Variants in RGS3 observed in about 807,000 individuals in gnomAD.
RGS3 encodes the protein regulator of G protein signaling 3.
RGS3 carries 80 observed loss-of-function variants against 132.6 expected under a neutral mutation model. The observed-to-expected ratio is 0.60, with a 90% CI of 0.50 to 0.73. The LOEUF (loss-of-function observed/expected upper bound fraction) is 0.73. Ranked by LOEUF, RGS3 falls within the 30% of genes least tolerant of loss-of-function variation. The pLI is 0.00. For synonymous variants in RGS3, 598 were observed against 620.6 expected (o/e 0.96, Z 0.54); for missense variants, 1,382 against 1,530.8 (o/e 0.90, Z 1.62).
chr9:113,570,647 G>T (rs893229152), intron 19 of RGS3, among the ~76,000 whole-genome samples: 1 of 151,712 alleles, frequency 6.6e-6, no homozygotes, highest in South Asian at 2.1e-4. Flanking sequence ...AGGTAACCCC[G>T]TCCTGACTTC....
At chr9:113,524,640 G>A (rs964557431) in intron 17 of RGS3, among the ~76,000 whole-genome samples, 2 of 152,250 alleles carry the variant, frequency 1.3e-5, no homozygotes, top group African/African-American at 2.4e-5. Flanking sequence ...GTGCTGTGCT[G>A]TGTGGCTTCA....
chr9:113,591,102 G>C lies in RGS3; in HGVS notation c.3016-231G>C, dbSNP rs1229183398. Among the ~76,000 whole-genome samples the C allele has an allele frequency of 6.6e-6, 1 of 152,238 alleles. No homozygotes were observed. On this transcript the variant is annotated intron_variant, in intron 20 of 24. Coordinates refer to ENST00000350696, the Ensembl canonical transcript of RGS3. This position sits in a 1 kb window ranked among gnomAD's most constrained non-coding sequence, Gnocchi z 4.4. ...CTTCTCCCCAGTGAGCTGGGGACCT[G>C]ACTGTCCCAGGAGGAGATCCCTGTG... is the stretch of plus-strand genomic sequence containing the variant.
At chr9:113,534,115 G>T (rs1161958695) in intron 18 of RGS3, among the ~76,000 whole-genome samples, 1 of 152,228 alleles carries the variant, frequency 6.6e-6, no homozygotes, top group Non-Finnish European at 1.5e-5. Context: ...CTGAGGGTTG[G>T]GTTGGATGCA....
chr9:113,452,872 G>A (rs1288711068), intron 1 of RGS3, among the ~76,000 whole-genome samples: 1 of 129,496 alleles, frequency 7.7e-6, no homozygotes, highest in South Asian at 2.5e-4. Flanking sequence ...TTCACCTCTA[G>A]TTGTTCAATT....
At chr9:113,583,404 G>A in intron 19 of RGS3, 46 bp from the exon 18 acceptor site, 1 of 1,597,756 alleles carries the variant, frequency 6.3e-7, no homozygotes, top group Non-Finnish European at 8.5e-7. Flanking sequence ...CTGGCATCTT[G>A]GAGCCTCCTC....
At chr9:113,553,822 G>T (rs1025894409) in intron 19 of RGS3, among the ~76,000 whole-genome samples, 4 of 151,954 alleles carry the variant, frequency 2.6e-5, no homozygotes, top group African/African-American at 9.7e-5. Context: ...CAGCCTGGGC[G>T]ACAAGAGAGA....
At chr9:113,536,773 T>G in intron 18 of RGS3, 23 bp from the exon 17 acceptor site, 1 of 1,610,256 alleles carries the variant, frequency 6.2e-7, no homozygotes, top group South Asian at 1.1e-5. Context: ...GACCGTCCGT[T>G]TCTCTATTTT....
At chr9:113,472,081 A>G (rs1417843081) in intron 3 of RGS3, among the ~76,000 whole-genome samples, 1 of 152,222 alleles carries the variant, frequency 6.6e-6, no homozygotes, top group Non-Finnish European at 1.5e-5. Flanking sequence ...AGATACTATC[A>G]TACTAGAATG....
At position 113,583,709 on chromosome 9, in the gene RGS3, C is replaced by T; in HGVS notation, c.2297C>T (p.Pro766Leu). 6.2e-7 allele frequency: 1 copy of T among 1,614,052 alleles called. No individual in the cohort carries two copies. The highest frequency in any genetic ancestry group is 8.5e-7 in the Non-Finnish European group (1 of 1,179,938). The change falls in exon 20 of 25, where the codon CCA becomes CTA. Residue 766 changes from proline (P) to leucine (L), a missense_variant. By Grantham distance (98) the Pro-to-Leu change is moderately conservative (BLOSUM62 -3). Transcript: ENST00000350696. ...GCTCCGCCCAGCAAGGATGTGCCAC[C>T]ATGCCAGGAACCCCCTCCAGCCCAA... is the stretch of plus-strand genomic sequence containing the variant.
intron 16 of RGS3, among the ~76,000 whole-genome samples, chr9:113,520,686 G>A (rs1831909962): frequency 6.6e-6 from 1 of 151,852 alleles, no homozygotes; most frequent in Non-Finnish European, 1.5e-5. Context: ...GGACCCTGAG[G>A]GTTTGCTTTG....
intron 19 of RGS3, among the ~76,000 whole-genome samples, chr9:113,558,680 A>C (rs531810822): frequency 6.6e-6 from 1 of 152,204 alleles, no homozygotes; most frequent in African/African-American, 2.4e-5. Flanking sequence ...GGGCTCCTTA[A>C]GCTACCTGTG....
intron 7 of RGS3, among the ~76,000 whole-genome samples, chr9:113,493,327 T>G (rs1257245088): frequency 2.6e-5 from 4 of 152,064 alleles, no homozygotes; most frequent in African/African-American, 9.7e-5. Context: ...TTTGAATAGA[T>G]TATTAATAGA....
intron 8 of RGS3, 143 bp from the exon 7 acceptor site, chr9:113,497,171 G>A: frequency 1.6e-6 from 1 of 639,006 alleles, no homozygotes; most frequent in Non-Finnish European, 2.8e-6. Context: ...TGCAGGCATG[G>A]CAGCTCGGGG....
chr9:113,535,183 T>C (rs1049822993), intron 18 of RGS3, among the ~76,000 whole-genome samples: 1 of 151,716 alleles, frequency 6.6e-6, no homozygotes, highest in Non-Finnish European at 1.5e-5. Flanking sequence ...TGAGTCTTGC[T>C]TTGTCACCCA....
chr9:113,595,267 AC>A (rs1835704410), intron 23 of RGS3, among the ~76,000 whole-genome samples: 1 of 152,214 alleles, frequency 6.6e-6, no homozygotes, highest in Non-Finnish European at 1.5e-5. Context: ...AAACATTTCT[AC>A]GTACTGAGGG....
At chr9:113,521,520 T>G (rs187185769) in intron 16 of RGS3, among the ~76,000 whole-genome samples, 10 of 152,348 alleles carry the variant, frequency 6.6e-5, no homozygotes, top group African/African-American at 2.4e-4. Context: ...TGCTAGATAT[T>G]TTTGCACATT....
chr9:113,448,264 A>C (rs1829157987), intron 1 of RGS3, among the ~76,000 whole-genome samples: 1 of 152,100 alleles, frequency 6.6e-6, no homozygotes, highest in East Asian at 1.9e-4. Context: ...GATCAAGCCT[A>C]ACCTCTTTCA....
At chr9:113,497,104 A>G (rs1333018063) in intron 8 of RGS3, among the ~76,000 whole-genome samples, 31 of 152,276 alleles carry the variant, frequency 2.0e-4, no homozygotes, top group Non-Finnish European at 1.5e-5. Flanking sequence ...GGCTGTGGGA[A>G]TTTGGCAGAG....
chr9:113,484,195 G>C, exon 6 of RGS3: 1 of 1,613,214 alleles, frequency 6.2e-7, no homozygotes, highest in Non-Finnish European at 8.5e-7. Flanking sequence ...GACCGTTCCA[G>C]ACTGCAGAGA....
Sources: gnomAD v4.1 joint callset for allele counts (sites outside exome capture counted in the v4.1 genomes callset) on GRCh38, gnomAD v4.1.1 for gene constraint, Gnocchi (gnomAD v3.1) non-coding constraint, MANE v1.5 for transcripts, NCBI Gene and HGNC (gene_info 2026-07-23, HGNC 2026-07-21) for gene names.